Variants in ITGB2 observed in about 807,000 individuals in gnomAD.
ITGB2 encodes integrin beta-2.
Under a neutral mutation model 86.8 loss-of-function variants are expected in ITGB2, and 56 were observed. The ratio of observed to expected loss-of-function variants is 0.65; its 90% CI spans 0.52 to 0.81. The LOEUF (loss-of-function observed/expected upper bound fraction) is 0.81. ITGB2 is among the 30% of genes least tolerant of loss of function. The pLI is 0.00. For synonymous variants in ITGB2, 457 were observed against 450.4 expected (o/e 1.01, Z -0.19); for missense variants, 948 against 1,061.2 (o/e 0.89, Z 1.48).
chr21:44,903,894 G>A (rs145989613), intron 4 of ITGB2, among the ~76,000 whole-genome samples: 81 of 152,206 alleles, frequency 5.3e-4, no homozygotes, highest in Non-Finnish European at 9.9e-4. Flanking sequence ...GCAGTCCCAC[G>A]GGCGCCCTCA....
chr21:44,901,197 C>G (rs1231099656), intron 6 of ITGB2, among the ~76,000 whole-genome samples: 1 of 152,232 alleles, frequency 6.6e-6, no homozygotes, highest in Non-Finnish European at 1.5e-5. Flanking sequence ...CCCTGTTCCA[C>G]CCTTGGCCGC....
rs2083701186 is a variant in ITGB2, at chr21:44,886,550, A to G, written c.2248-120T>C. On this transcript the variant is annotated intron_variant, in intron 15 of 15. Coordinates refer to ENST00000652462, the MANE Select transcript of ITGB2 (RefSeq NM_000211.5). ...TTTGAGGAAGAGCTAGACGTGGGGC[A>G]GCCCCCCCAGGGTCCCAGCACCGGC... is the stretch of plus-strand genomic sequence containing the variant. The G allele has an allele frequency of 2.1e-6, 3 of 1,398,016 alleles. No homozygotes were observed. In the Admixed American group the frequency reaches 5.1e-5, roughly 24 times the overall value. The allele number at this position is 1,398,016 out of a possible 1,614,324, so 86.6% of individuals were successfully genotyped here.
At chr21:44,902,495 TTG>T (rs534792065) in intron 5 of ITGB2, among the ~76,000 whole-genome samples, 33 of 146,602 alleles carry the variant, frequency 2.3e-4, no homozygotes, top group East Asian at 1.8e-3. Flanking sequence ...GAGCATGCAT[TTG>T]TGTGTTTGAG....
chr21:44,917,948 C>T (rs772741898), intron 1 of ITGB2, among the ~76,000 whole-genome samples: 1 of 152,234 alleles, frequency 6.6e-6, no homozygotes, highest in Admixed American at 6.5e-5. Context: ...TGTGCTTGCT[C>T]AGGGCCTGGG....
At chr21:44,902,351 G>A (rs1281203400) in intron 5 of ITGB2, among the ~76,000 whole-genome samples, 1 of 152,284 alleles carries the variant, frequency 6.6e-6, no homozygotes, top group Non-Finnish European at 1.5e-5. Context: ...TCATGTGTGT[G>A]AGCATGCATT....
intron 1 of ITGB2, chr21:44,911,378 G>A (rs895245362): frequency 9.3e-5 from 15 of 160,662 alleles, no homozygotes; most frequent in South Asian, 7.9e-4. Context: ...CCACACACCC[G>A]GTGTGTGCAC....
intron 1 of ITGB2, among the ~76,000 whole-genome samples, chr21:44,917,544 T>C (rs944032777): frequency 6.6e-6 from 1 of 152,226 alleles, no homozygotes; most frequent in Non-Finnish European, 1.5e-5. Context: ...ATGAGGACGC[T>C]GCTTCATGGC....
intron 3 of ITGB2, chr21:44,909,495 G>A (rs1213972896): frequency 1.3e-5 from 2 of 152,388 alleles, no homozygotes; most frequent in African/African-American, 4.8e-5. Flanking sequence ...GGCGAGCCTG[G>A]GTGAGGAGAT....
At chr21:44,901,167 C>T (rs1386540288) in intron 6 of ITGB2, among the ~76,000 whole-genome samples, 4 of 152,208 alleles carry the variant, frequency 2.6e-5, no homozygotes, top group African/African-American at 4.8e-5. Context: ...CCAGGAACCA[C>T]GGGACCTGCT....
At chr21:44,926,286 T>C (rs2084372576) in intron 1 of ITGB2, among the ~76,000 whole-genome samples, 1 of 152,222 alleles carries the variant, frequency 6.6e-6, no homozygotes, top group Admixed American at 6.5e-5. Flanking sequence ...CCCCATCTGA[T>C]GTGCCTGTTG....
At position 44,898,901 on chromosome 21, in the gene ITGB2, G is replaced by A. The variant is rs560857266; in HGVS notation, c.993+166C>T. ...GACACGCAGGCGTCCTGTCCCCGACGGGAAGCCTCGGGCTCCTCACCTAGG... is the reference window on the plus strand; with the variant it reads ...GACACGCAGGCGTCCTGTCCCCGACAGGAAGCCTCGGGCTCCTCACCTAGG... On this transcript the variant is annotated intron_variant, in intron 8 of 15. Coordinates refer to ENST00000652462, the MANE Select transcript of ITGB2 (RefSeq NM_000211.5). Among the ~76,000 whole-genome samples the A allele has an allele frequency of 5.3e-5, 8 of 152,332 alleles. 1 individual carries two copies. In the East Asian group the frequency reaches 1.5e-3, roughly 29 times the overall value.
In ITGB2 at chr21:44,893,455, C is replaced by T. The variant is rs747895476; in HGVS notation, c.1173G>A (p.Thr391=). 64 of 1,614,046 alleles carry T rather than the reference C, an allele frequency of 4.0e-5. No individual in the cohort carries two copies. Among genetic ancestry groups the T allele is most frequent in the Middle Eastern group, 3.3e-4 (2 of 6,082 alleles). ...TYDSFCSNGV[T]HRNQPRGDCD... is the part of the protein sequence containing the mutation. ...AGTCACCTCTGGGCTGGTTCCTGTG[C>T]GTCACTCCATTGCTGCAGAAGGAGT... Residue 391 remains threonine (T), a synonymous_variant, in exon 10 of 16, where the codon ACG becomes ACA. Coordinates refer to ENST00000652462, the MANE Select transcript of ITGB2 (RefSeq NM_000211.5).
upstream of ITGB2, among the ~76,000 whole-genome samples, chr21:44,924,214 G>A (rs1345017810): frequency 6.7e-6 from 1 of 150,086 alleles, no homozygotes; most frequent in Non-Finnish European, 1.5e-5. Context: ...CGGATCACCT[G>A]AGGTTAGGAG....
intron 1 of ITGB2, among the ~76,000 whole-genome samples, chr21:44,919,630 G>T (rs879319423): frequency 1.3e-4 from 20 of 152,202 alleles, no homozygotes; most frequent in African/African-American, 4.1e-4. Flanking sequence ...CCGTCACGGG[G>T]AAGGCGAGTG....
chr21:44,903,668 C>G (rs2084000342), intron 4 of ITGB2, 133 bp from the exon 5 acceptor site: 1 of 1,014,480 alleles, frequency 9.9e-7, no homozygotes, highest in Admixed American at 2.0e-5. Context: ...CCTCCCCTCT[C>G]CCCGCCTGGC....
chr21:44,890,266 G>A (rs1161451891), intron 11 of ITGB2, 44 bp from the exon 12 acceptor site: 4 of 1,610,950 alleles, frequency 2.5e-6, no homozygotes, highest in African/African-American at 2.7e-5. Flanking sequence ...CCCCAGTGAT[G>A]TGGGACAAGG....
intron 1 of ITGB2, among the ~76,000 whole-genome samples, chr21:44,917,349 C>A (rs2084226948): frequency 6.6e-6 from 1 of 152,206 alleles, no homozygotes; most frequent in South Asian, 2.1e-4. Flanking sequence ...TTCTGCATTT[C>A]TCTGGGTGGT....
intron 1 of ITGB2, among the ~76,000 whole-genome samples, chr21:44,913,616 C>T (rs1410795204): frequency 6.6e-6 from 1 of 152,132 alleles, no homozygotes; most frequent in East Asian, 1.9e-4. Context: ...AGTGGCTGAG[C>T]CCAGACAAAC....
chr21:44,916,251 C>G (rs7282310), intron 1 of ITGB2, among the ~76,000 whole-genome samples: 115,417 of 152,024 alleles, frequency 0.76, 44,697 homozygotes, highest in South Asian at 0.91. Context: ...GCCACAATTT[C>G]TGGCCAAATG....
Sources: allele counts gnomAD v4.1 joint callset (sites outside exome capture counted in the v4.1 genomes callset), GRCh38; gene constraint gnomAD v4.1.1; transcripts MANE v1.5; gene names NCBI Gene and HGNC (gene_info 2026-07-23, HGNC 2026-07-21).